STK32C: variants seen among roughly 807,000 people sequenced by gnomAD.
The protein encoded by STK32C is serine/threonine kinase 32C.
Under a neutral mutation model 56.5 loss-of-function variants are expected in STK32C, and 31 were observed. The ratio of observed to expected loss-of-function variants is 0.55; its 90% CI spans 0.41 to 0.74. The LOEUF (loss-of-function observed/expected upper bound fraction) is 0.74. STK32C is among the 30% of genes least tolerant of loss of function. The pLI is 0.00. For missense variants in STK32C, 544 were observed against 676.9 expected (o/e 0.80, Z 2.18); for synonymous variants, 309 against 289.4 (o/e 1.07, Z -0.69).
At chr10:132,245,863 C>T (rs1263422594) in intron 2 of STK32C, 37 bp downstream of exon 2, 3 of 1,601,802 alleles carry the variant, frequency 1.9e-6, no homozygotes, top group East Asian at 2.2e-5. Context: ...CTGCCCCTGC[C>T]CCCTCAGCCC....
rs141249150 is a variant in STK32C at position 132,230,513 on chromosome 10, G to A, written c.319-2385C>T. ...CTGCAGGCTCAAGGCGGCCACTGCA[G>A]GTCTGGAAACTGCTCCAGAAAGGCT... On this transcript the variant is annotated intron_variant, in intron 2 of 11. Coordinates refer to ENST00000298630, the MANE Select transcript of STK32C (RefSeq NM_173575.4). Among the ~76,000 whole-genome samples the A allele has an allele frequency of 3.9e-5, 6 of 152,302 alleles. No individual in the cohort carries two copies. In the East Asian group the frequency reaches 1.2e-3, roughly 29 times the overall value.
intron 7 of STK32C, 116 bp from the exon 8 acceptor site, chr10:132,224,639 GGCACAGCTCT>G: frequency 1.3e-6 from 1 of 753,428 alleles, no homozygotes; most frequent in South Asian, 1.6e-5. Flanking sequence ...CCCAAGTGCA[GGCACAGCTCT>G]GAGCACAGCC....
chr10:132,306,950 C>G (rs1413315720), intron 1 of STK32C: 5 of 152,294 alleles, frequency 3.3e-5, no homozygotes, highest in Non-Finnish European at 7.3e-5. Context: ...ATGGCGCCCA[C>G]GGCTGCACGG....
At chr10:132,209,890 C>G (rs2062236278) in intron 10 of STK32C, among the ~76,000 whole-genome samples, 1 of 152,184 alleles carries the variant, frequency 6.6e-6, no homozygotes, top group Non-Finnish European at 1.5e-5. Flanking sequence ...CAGCTGAGGC[C>G]AGAGGATGCC....
chr10:132,217,574 C>T (rs186648565), intron 10 of STK32C, among the ~76,000 whole-genome samples: 13 of 152,248 alleles, frequency 8.5e-5, no homozygotes, highest in Middle Eastern at 3.4e-3. Flanking sequence ...TATGGTTTGG[C>T]TCTGTCCCCA....
chr10:132,225,726 C>T (rs766518082), intron 5 of STK32C, 21 bp downstream of exon 5: 1 of 1,614,046 alleles, frequency 6.2e-7, no homozygotes, highest in South Asian at 1.1e-5. Flanking sequence ...ACCTGGGCTG[C>T]CCACACCCAA....
chr10:132,254,325 CA>C (rs201364437), intron 1 of STK32C, among the ~76,000 whole-genome samples: 2 of 151,408 alleles, frequency 1.3e-5, no homozygotes, highest in Admixed American at 1.3e-4. Flanking sequence ...AAAAAAACAA[CA>C]AAAAAAAATA....
At chr10:132,224,732 G>A (rs1055548696) in intron 7 of STK32C, among the ~76,000 whole-genome samples, 2 of 152,072 alleles carry the variant, frequency 1.3e-5, no homozygotes, top group East Asian at 1.9e-4. Context: ...TGGCTGCTGC[G>A]CCCATCTGGC....
chr10:132,330,596 A>C, intron 1 of STK32C: 2 of 698,456 alleles, frequency 2.9e-6, no homozygotes, highest in East Asian at 2.7e-5. Context: ...CAGCCTCAAA[A>C]TCCTAGGTTC....
In STK32C at chr10:132,256,106, A is replaced by T. The variant is rs2814193; in HGVS notation, c.263-10151T>A. On this transcript the variant is annotated intron_variant, in intron 1 of 11. Coordinates refer to ENST00000298630, the MANE Select transcript of STK32C (RefSeq NM_173575.4). ...ACTCTGGGAACATACCCTGTGCCCCAGGCTCCATCTTGGCAGCGATGCCCT... is the reference window on the plus strand; with the variant it reads ...ACTCTGGGAACATACCCTGTGCCCCTGGCTCCATCTTGGCAGCGATGCCCT... Among the ~76,000 whole-genome samples the T allele has an allele frequency of 3.3e-5, 5 of 152,204 alleles. No homozygotes were observed. The East Asian group carries it at 7.7e-4, about 24-fold the overall frequency.
At chr10:132,331,987 G>A (rs2066787202), upstream of STK32C, 1 of 433,946 alleles carries the variant, frequency 2.3e-6, no homozygotes, top group East Asian at 4.0e-5. Context: ...CCGGGCAGGC[G>A]CACCACACCC....
At chr10:132,218,649 A>C (rs1198999002) in intron 10 of STK32C, among the ~76,000 whole-genome samples, 1 of 152,230 alleles carries the variant, frequency 6.6e-6, no homozygotes, top group Non-Finnish European at 1.5e-5. Flanking sequence ...TGTTTCCTCC[A>C]AACATGAAGC....
chr10:132,250,149 C>G (rs1160022861), intron 1 of STK32C, among the ~76,000 whole-genome samples: 1 of 152,214 alleles, frequency 6.6e-6, no homozygotes, highest in Non-Finnish European at 1.5e-5. Context: ...GGCTCCGCAC[C>G]GGGGGAGGGA....
chr10:132,283,868 G>A (rs1227285376), intron 1 of STK32C, among the ~76,000 whole-genome samples: 1 of 152,140 alleles, frequency 6.6e-6, no homozygotes, highest in Non-Finnish European at 1.5e-5. Context: ...AGACTGCCCA[G>A]GAGGCCTCCC....
chr10:132,252,627 C>A (rs952823014), intron 1 of STK32C, among the ~76,000 whole-genome samples: 2 of 152,226 alleles, frequency 1.3e-5, no homozygotes, highest in African/African-American at 4.8e-5. Context: ...CTTGTGTGCA[C>A]CCAACGGCGG....
Position 132,225,744 on chromosome 10 carries a change from C to A in STK32C, c.682+3G>T. On this transcript the variant is annotated splice_donor_region_variant and intron_variant, in intron 5 of 11. Coordinates refer to ENST00000298630, the MANE Select transcript of STK32C (RefSeq NM_173575.4). ...TGGGCTGCCCACACCCAACCCCACA[C>A]ACCTCTCTCATCCAGGAGAATGTTG... 1 of 1,614,156 alleles carries A rather than the reference C, an allele frequency of 6.2e-7. No homozygotes were observed. The highest frequency in any genetic ancestry group is 2.2e-5 in the East Asian group (1 of 44,888).
At chr10:132,316,913 A>G (rs897981716) in intron 1 of STK32C, among the ~76,000 whole-genome samples, 18 of 150,660 alleles carry the variant, frequency 1.2e-4, no homozygotes, top group African/African-American at 3.4e-4. Flanking sequence ...TAGGAGAATC[A>G]CTTGAACCTG....
In STK32C at chr10:132,211,301, C is replaced by T. The variant is rs572209531; in HGVS notation, c.1252-2200G>A. ...GTCCGACTGAGCCGCTGGGATCCTG[C>T]GATTCACAGCGACACAAGGTGGGAG... On this transcript the variant is annotated intron_variant, in intron 10 of 11. Coordinates refer to ENST00000298630, the MANE Select transcript of STK32C (RefSeq NM_173575.4). Among the ~76,000 whole-genome samples the T allele has an allele frequency of 1.6e-4, 25 of 152,188 alleles. No homozygotes were observed. In the East Asian group the frequency reaches 2.5e-3, roughly 15 times the overall value.
chr10:132,225,095 T>C, intron 7 of STK32C, 138 bp downstream of exon 7: 1 of 670,100 alleles, frequency 1.5e-6, no homozygotes. Context: ...CACACTTCGA[T>C]AAAAGCGTGA....
Sources: allele counts gnomAD v4.1 joint callset (sites outside exome capture counted in the v4.1 genomes callset), GRCh38; gene constraint gnomAD v4.1.1; transcripts MANE v1.5; gene names NCBI Gene and HGNC (gene_info 2026-07-23, HGNC 2026-07-21).